The following CTTN variants were observed in gnomAD, a reference collection of about 807,000 sequenced individuals.
CTTN encodes the protein cortactin.
A neutral mutation model predicts 84.0 loss-of-function variants in CTTN; 28 were observed. That is an observed-to-expected ratio of 0.33 (90% confidence interval 0.25 to 0.46). The LOEUF (loss-of-function observed/expected upper bound fraction) is 0.46. CTTN is among the 20% of genes least tolerant of loss of function. CTTN has a pLI of 1.00. For missense variants in CTTN, 641 were observed against 723.8 expected, an observed-to-expected ratio of 0.89 and a Z score of 1.31; for synonymous variants, 301 against 288.8, an observed-to-expected ratio of 1.04 and a Z score of -0.43.
intron 13 of CTTN, among the ~76,000 whole-genome samples, chr11:70,427,295 G>T (rs545221077): frequency 6.6e-6 from 1 of 152,140 alleles, no homozygotes; most frequent in Non-Finnish European, 1.5e-5. Context: ...GTCGCAGTGA[G>T]CCTTGATTGC....
chr11:70,433,289 C>T lies in CTTN; in HGVS notation c.1444+11C>T. On this transcript the variant is annotated intron_variant, in intron 16 of 17. Coordinates refer to ENST00000301843, the MANE Select transcript of CTTN (RefSeq NM_005231.4). Reference sequence around the variant, plus strand: ...GCCACTATCCCGCAGGTACTGGGGCCCCACGCTGCAGCGCCCTGCCCAGGG... The same window carrying T: ...GCCACTATCCCGCAGGTACTGGGGCTCCACGCTGCAGCGCCCTGCCCAGGG... 4 of 1,601,654 alleles carry T rather than the reference C, an allele frequency of 2.5e-6. No homozygotes were observed. The highest frequency in any genetic ancestry group is 3.4e-6 in the Non-Finnish European group (4 of 1,174,732).
intron 9 of CTTN, 79 bp downstream of exon 9, chr11:70,419,935 A>G: frequency 9.0e-7 from 1 of 1,108,718 alleles, no homozygotes; most frequent in Non-Finnish European, 1.3e-6. Context: ...AAGGAAAAAC[A>G]AAGCGTTATT....
rs1230050422 is a variant in CTTN at position 70,426,544 on chromosome 11, G to C, written c.1027+1143G>C. ...AAGCAGTCCTCTTGCCTCAGCCTCTGGAGTAGCTGGAACTATAAGCGCATG... is the reference window on the plus strand; with the variant it reads ...AAGCAGTCCTCTTGCCTCAGCCTCTCGAGTAGCTGGAACTATAAGCGCATG... On this transcript the variant is annotated intron_variant, in intron 13 of 17. Transcript: ENST00000301843. Among the ~76,000 whole-genome samples, 8 of 152,188 alleles carry C rather than the reference G, an allele frequency of 5.3e-5. No homozygotes were observed. In the East Asian group the frequency reaches 1.5e-3, roughly 29 times the overall value.
chr11:70,414,817 C>G (rs934260337), intron 6 of CTTN, among the ~76,000 whole-genome samples, 165 bp downstream of exon 6: 2 of 152,144 alleles, frequency 1.3e-5, no homozygotes, highest in African/African-American at 4.8e-5. Flanking sequence ...AGCCTGGGCT[C>G]TCAGAGAGAG....
chr11:70,402,345 C>G (rs1292926704), intron 1 of CTTN, among the ~76,000 whole-genome samples: 1 of 152,234 alleles, frequency 6.6e-6, no homozygotes. Context: ...ACATACCATA[C>G]AATACGCCTG....
intron 1 of CTTN, among the ~76,000 whole-genome samples, chr11:70,402,737 A>G (rs765888058): frequency 6.6e-6 from 1 of 152,212 alleles, no homozygotes; most frequent in Non-Finnish European, 1.5e-5. Context: ...CAGTTGATGG[A>G]CATTTGGAGT....
chr11:70,429,327 C>CT, intron 14 of CTTN, 128 bp downstream of exon 14: 1 of 1,037,986 alleles, frequency 9.6e-7, no homozygotes. Context: ...ATGTTTAACT[C>CT]TCCTTTAAGG....
At chr11:70,433,424 G>A in intron 16 of CTTN, 146 bp downstream of exon 16, 2 of 926,180 alleles carry the variant, frequency 2.2e-6, no homozygotes, top group Admixed American at 2.7e-5. Context: ...TGTCCCTGGA[G>A]GGAAGTGCTC....
chr11:70,435,842 C>T lies in CTTN; in HGVS notation c.*680C>T. On this transcript the variant is annotated 3_prime_UTR_variant, in exon 18 of 18. Transcript: ENST00000301843. ...GATGCCCAGGTCACCGGGAGGGCTGCTGGGAGCCTCTCCTGTCCCCGCCGG... is the reference window on the plus strand; with the variant it reads ...GATGCCCAGGTCACCGGGAGGGCTGTTGGGAGCCTCTCCTGTCCCCGCCGG... 3 of 1,528,770 alleles carry T rather than the reference C, an allele frequency of 2.0e-6. No individual in the cohort carries two copies. The highest frequency in any genetic ancestry group is 2.6e-6 in the Non-Finnish European group (3 of 1,146,032). The allele number at this position is 1,528,770 out of a possible 1,614,324, so 94.7% of individuals were successfully genotyped here.
At chr11:70,424,119 G>A (rs2058274747) in intron 12 of CTTN, among the ~76,000 whole-genome samples, 1 of 152,142 alleles carries the variant, frequency 6.6e-6, no homozygotes, top group Non-Finnish European at 1.5e-5. Context: ...GCCGGGGCCG[G>A]GTCCGGGTGG....
Position 70,434,936 on chromosome 11 carries a change from G to T in CTTN, c.1517-90G>T, listed in dbSNP as rs2058397934. The T allele has an allele frequency of 2.1e-6, 3 of 1,410,886 alleles. No homozygotes were observed. The Admixed American group carries it at 5.0e-5, about 24-fold the overall frequency. 87.4% of individuals were successfully genotyped at this position (1,410,886 alleles called of 1,614,324 possible). A position where few individuals can be genotyped will look rare whatever the true frequency, so the allele number is the denominator to read the frequency against. On this transcript the variant is annotated intron_variant, in intron 17 of 17. Coordinates refer to ENST00000301843, the MANE Select transcript of CTTN (RefSeq NM_005231.4). ...TGCAGGGGGCATCTCTGAGCAGGCT[G>T]CCTGGGAGCTTGCTCTGGGTTGTGC... is the stretch of plus-strand genomic sequence containing the variant.
At chr11:70,412,614 G>C (rs553665680) in intron 5 of CTTN, among the ~76,000 whole-genome samples, 1 of 152,234 alleles carries the variant, frequency 6.6e-6, no homozygotes, top group African/African-American at 2.4e-5. Context: ...AGAGGAGCCT[G>C]GACGGGCTGT....
In CTTN at chr11:70,436,144, A is replaced by T; in HGVS notation, c.*982A>T. 1 of 1,444,954 alleles carries T rather than the reference A, an allele frequency of 6.9e-7. No homozygotes were observed. The highest frequency in any genetic ancestry group is 9.0e-7 in the Non-Finnish European group (1 of 1,105,468). The allele number at this position is 1,444,954 out of a possible 1,614,324, so 89.5% of individuals were successfully genotyped here. On this transcript the variant is annotated 3_prime_UTR_variant, in exon 18 of 18. Coordinates refer to ENST00000301843, the MANE Select transcript of CTTN (RefSeq NM_005231.4). Reference sequence around the variant, plus strand: ...ATGGGGGTGTAGTATTTTTGCCAAAATATCATGTTCAATTTCAGTAGTTTG... The same window carrying T: ...ATGGGGGTGTAGTATTTTTGCCAAATTATCATGTTCAATTTCAGTAGTTTG...
At chr11:70,407,771 G>A (rs1408922678) in intron 4 of CTTN, 180 bp downstream of exon 4, 2 of 594,908 alleles carry the variant, frequency 3.4e-6, no homozygotes, top group Admixed American at 3.2e-5. Flanking sequence ...TTTGTGTAAT[G>A]TGTGTGTTTA....
intron 8 of CTTN, among the ~76,000 whole-genome samples, chr11:70,417,457 G>A (rs1011367527): frequency 8.6e-5 from 13 of 151,004 alleles, no homozygotes; most frequent in Non-Finnish European, 5.9e-5. Context: ...CCCCACCTTG[G>A]TTTCCTTAAG....
At chr11:70,421,147 A>G (rs1384137905) in intron 10 of CTTN, among the ~76,000 whole-genome samples, 3 of 152,218 alleles carry the variant, frequency 2.0e-5, no homozygotes, top group African/African-American at 7.2e-5. Flanking sequence ...GTACACAGAT[A>G]CGCACACTCG....
chr11:70,432,176 C>T (rs1222062250), intron 15 of CTTN, among the ~76,000 whole-genome samples: 1 of 152,194 alleles, frequency 6.6e-6, no homozygotes, highest in African/African-American at 2.4e-5. Flanking sequence ...CCCTGCCGGG[C>T]CCTGGGGGGA....
rs1023725394 is a variant in CTTN, at chr11:70,422,433, T to C, written c.902-507T>C. ...CTGCTGCATGACAGTGTGACTTTCA[T>C]GTGGATCTGTGTTGCTGCAACGGAA... On this transcript the variant is annotated intron_variant, in intron 11 of 17. Transcript: ENST00000301843. 7.2e-6 allele frequency: 8 copies of C among 1,117,270 alleles called. No homozygotes were observed. In the Admixed American group the frequency reaches 1.6e-4, roughly 23 times the overall value. 69.2% of individuals were successfully genotyped at this position (1,117,270 alleles called of 1,614,324 possible).
rs1013739078 is a variant in CTTN at position 70,399,205 on chromosome 11, A to C, written c.-98+591A>C. Among the ~76,000 whole-genome samples, 17 of 119,258 alleles carry C rather than the reference A, an allele frequency of 1.4e-4. 1 individual carries two copies. The highest frequency in any genetic ancestry group is 1.2e-3 in the Admixed American group (13 of 10,670). 78.2% of individuals were successfully genotyped at this position (119,258 alleles called of 152,430 possible). A position where few individuals can be genotyped will look rare whatever the true frequency, so the allele number is the denominator to read the frequency against. The stretch of plus-strand genomic sequence containing the variant: ...GTCTGGGTGCAGAGGGAAAGGGATG[A>C]GGTCCGAGGGGAGGAGATTGGGGTC... On this transcript the variant is annotated intron_variant, in intron 1 of 17. Coordinates refer to ENST00000301843, the MANE Select transcript of CTTN (RefSeq NM_005231.4).
Sources: allele counts gnomAD v4.1 joint callset (sites outside exome capture counted in the v4.1 genomes callset), GRCh38; gene constraint gnomAD v4.1.1; transcripts MANE v1.5; gene names NCBI Gene and HGNC (gene_info 2026-07-23, HGNC 2026-07-21).